The following GARNL3 variants were observed in gnomAD, a reference collection of about 807,000 sequenced individuals.
The protein encoded by GARNL3 is GTPase activating Rap/RanGAP domain like 3, also known as GTPase-activating Rap/Ran-GAP domain-like protein 3.
GARNL3 carries 63 observed loss-of-function variants against 125.0 expected under a neutral mutation model. That is an observed-to-expected ratio of 0.50 (90% confidence interval 0.41 to 0.62). GARNL3 has a LOEUF of 0.62. GARNL3 is among the 20% of genes least tolerant of loss of function. The probability of loss-of-function intolerance (pLI) is 0.00; values close to 1 mark genes in which losing one functional copy is unlikely to be tolerated. For missense variants in GARNL3, 994 were observed against 1,244.0 expected, an observed-to-expected ratio of 0.80 and a Z score of 3.02; for synonymous variants, 439 against 457.5, an observed-to-expected ratio of 0.96 and a Z score of 0.52.
At chr9:127,303,824 C>A (rs1337021720) in intron 2 of GARNL3, among the ~76,000 whole-genome samples, 1 of 152,066 alleles carries the variant, frequency 6.6e-6, no homozygotes, top group Non-Finnish European at 1.5e-5. Context: ...CTCAAAATAT[C>A]CTGGCCAGAT....
In GARNL3 at chr9:127,336,140, C is replaced by T. The variant is rs764309680; in HGVS notation, c.886C>T (p.Arg296Cys). The change falls in exon 11 of 28, where the codon CGC (arginine) becomes TGC (cysteine). Residue 296 changes from arginine to cysteine, a missense_variant. Arg to Cys is a radical substitution (Grantham distance 180). Around this residue, in one of 5 missense-constraint regions of GARNL3, gnomAD observed 19 missense variants for 46.4 expected, o/e 0.41. Transcript: ENST00000373387. ...ATGCTCACTACAGGTGGAAAGGAAACGCCACATTGGAAACGATATCGTCAC... is the reference window on the plus strand; with the variant it reads ...ATGCTCACTACAGGTGGAAAGGAAATGCCACATTGGAAACGATATCGTCAC... Reference protein sequence around the residue: ...KENKQQVERKRHIGNDIVTIV... With the variant: ...KENKQQVERKCHIGNDIVTIV... 15 of 1,612,666 alleles carry T rather than the reference C, an allele frequency of 9.3e-6. No individual in the cohort carries two copies. The highest frequency in any genetic ancestry group is 5.3e-5 in the African/African-American group (4 of 74,832).
intron 15 of GARNL3, 133 bp from the exon 16 acceptor site, chr9:127,345,270 A>G: frequency 2.0e-6 from 1 of 509,108 alleles, no homozygotes; most frequent in Non-Finnish European, 3.5e-6. Context: ...CTTGATTAAC[A>G]AGTCAGTAGA....
At chr9:127,348,172 T>C (rs993812627) in intron 16 of GARNL3, among the ~76,000 whole-genome samples, 5 of 152,192 alleles carry the variant, frequency 3.3e-5, no homozygotes, top group Non-Finnish European at 7.4e-5. Context: ...CTGAGGCTTA[T>C]CCAGTGCTTT....
chr9:127,369,717 A>G (rs10987619), intron 22 of GARNL3, among the ~76,000 whole-genome samples: 17 of 152,214 alleles, frequency 1.1e-4, no homozygotes, highest in African/African-American at 4.1e-4. Context: ...GCAGACTGGG[A>G]GCACAGATGA....
intron 22 of GARNL3, among the ~76,000 whole-genome samples, chr9:127,378,183 A>G (rs952880595): frequency 2.0e-5 from 3 of 151,338 alleles, no homozygotes; most frequent in African/African-American, 7.3e-5. Flanking sequence ...ACAGGATGCA[A>G]TGAGCCAAGA....
intron 1 of GARNL3, among the ~76,000 whole-genome samples, chr9:127,235,185 C>T (rs1208801083): frequency 6.6e-6 from 1 of 150,842 alleles, no homozygotes; most frequent in Non-Finnish European, 1.5e-5. Context: ...TTCCTTTTTT[C>T]CCATACTGTC....
At chr9:127,293,964 C>T (rs2064503772) in intron 2 of GARNL3, among the ~76,000 whole-genome samples, 1 of 152,154 alleles carries the variant, frequency 6.6e-6, no homozygotes, top group South Asian at 2.1e-4. Context: ...AGAGACACTC[C>T]CCTGCTCAGC....
At chr9:127,298,102 A>T (rs1256190608) in intron 2 of GARNL3, among the ~76,000 whole-genome samples, 1 of 152,226 alleles carries the variant, frequency 6.6e-6, no homozygotes, top group Non-Finnish European at 1.5e-5. Context: ...CAGCGATGAA[A>T]ATAAATGTCT....
intron 22 of GARNL3, among the ~76,000 whole-genome samples, chr9:127,383,071 G>A (rs1050896518): frequency 6.6e-6 from 1 of 152,186 alleles, no homozygotes; most frequent in African/African-American, 2.4e-5. Flanking sequence ...CACAGTGCTT[G>A]TGAGACTTTG....
At chr9:127,239,453 C>A (rs1450004705) in intron 1 of GARNL3, among the ~76,000 whole-genome samples, 1 of 152,212 alleles carries the variant, frequency 6.6e-6, no homozygotes, top group Non-Finnish European at 1.5e-5. Flanking sequence ...TACAGACTCT[C>A]AATGATCTCT....
intron 6 of GARNL3, among the ~76,000 whole-genome samples, chr9:127,324,268 A>G (rs2065495470): frequency 6.6e-6 from 1 of 152,226 alleles, no homozygotes; most frequent in African/African-American, 2.4e-5. Context: ...AAACAAAAAA[A>G]GAAAGAATAA....
intron 2 of GARNL3, among the ~76,000 whole-genome samples, chr9:127,256,456 A>G (rs2063496813): frequency 6.6e-6 from 1 of 152,174 alleles, no homozygotes; most frequent in South Asian, 2.1e-4. Flanking sequence ...GATTTGCTAT[A>G]TACATATTGT....
rs1305679827 is a variant in GARNL3, at chr9:127,280,522, CCA to C, written c.145-10643_145-10642del. Reference sequence around the variant, plus strand: ...AGTGCCTTCCAACCTTCCATAATTACCACAGATTTGTTCTGTTCCAAGCAACA... The same window carrying C: ...AGTGCCTTCCAACCTTCCATAATTACCAGATTTGTTCTGTTCCAAGCAACA... On this transcript the variant is annotated intron_variant, in intron 1 of 27. Transcript: ENST00000373387. The surrounding 1 kb of genome is among the most constrained non-coding windows in gnomAD (Gnocchi z 4.5). Among the ~76,000 whole-genome samples, 1 of 152,186 alleles carries C rather than the reference CCA, an allele frequency of 6.6e-6. No homozygotes were observed. Among genetic ancestry groups the C allele is most frequent in the Non-Finnish European group, 1.5e-5 (1 of 68,026 alleles).
At chr9:127,321,115 A>G (rs1041964121) in intron 6 of GARNL3, among the ~76,000 whole-genome samples, 1 of 152,198 alleles carries the variant, frequency 6.6e-6, no homozygotes, top group Non-Finnish European at 1.5e-5. Flanking sequence ...AGTAATATAG[A>G]ATTGTGTGGA....
rs1003330913 is a variant in GARNL3, at chr9:127,290,493, T to A, written c.145-675T>A. Among the ~76,000 whole-genome samples the A allele has an allele frequency of 8.5e-5, 13 of 152,324 alleles. 1 individual carries two copies. In the East Asian group the frequency reaches 1.9e-3, roughly 23 times the overall value. On this transcript the variant is annotated intron_variant, in intron 1 of 27. Transcript: ENST00000373387. ...GGTAGATTTAAAGGCTAAAAAAAGATGTGTTGCTTTCCCAAGTCACTACTG... is the reference window on the plus strand; with the variant it reads ...GGTAGATTTAAAGGCTAAAAAAAGAAGTGTTGCTTTCCCAAGTCACTACTG...
chr9:127,231,687 C>G (rs2063022250), intron 1 of GARNL3, among the ~76,000 whole-genome samples: 1 of 152,202 alleles, frequency 6.6e-6, no homozygotes, highest in South Asian at 2.1e-4. Flanking sequence ...CATCTGCATT[C>G]CCTAAGAACT....
At chr9:127,304,227 G>C (rs547191666) in intron 2 of GARNL3, among the ~76,000 whole-genome samples, 1 of 152,294 alleles carries the variant, frequency 6.6e-6, no homozygotes, top group South Asian at 2.1e-4. Context: ...TAAAATAGGT[G>C]ACACTTAAAT....
chr9:127,295,858 A>G (rs1433792575), intron 2 of GARNL3, among the ~76,000 whole-genome samples: 1 of 152,186 alleles, frequency 6.6e-6, no homozygotes, highest in Non-Finnish European at 1.5e-5. Flanking sequence ...GGATGATTCA[A>G]GCACATTACA....
At chr9:127,261,755 C>T (rs1349887462), upstream of GARNL3, among the ~76,000 whole-genome samples, 1 of 152,150 alleles carries the variant, frequency 6.6e-6, no homozygotes, top group Non-Finnish European at 1.5e-5. Context: ...AGAGGTGCCC[C>T]TCATTTCTAC....
Sources: gnomAD v4.1 joint callset for allele counts (sites outside exome capture counted in the v4.1 genomes callset) on GRCh38, gnomAD v4.1.1 for gene constraint, gnomAD v4.1.1 regional missense constraint, Gnocchi (gnomAD v3.1) non-coding constraint, MANE v1.5 for transcripts, NCBI Gene and HGNC (gene_info 2026-07-23, HGNC 2026-07-21) for gene names.